The following HEXB variants were observed in gnomAD, a reference collection of about 807,000 sequenced individuals.
The protein encoded by HEXB is hexosaminidase subunit beta, also known as beta-hexosaminidase subunit beta.
A neutral mutation model predicts 71.2 loss-of-function variants in HEXB; 51 were observed. The ratio of observed to expected loss-of-function variants is 0.72; its 90% CI spans 0.57 to 0.90. The LOEUF (loss-of-function observed/expected upper bound fraction) is 0.90, where lower values mean the gene tolerates loss of function less well. Among genes scored for constraint, HEXB ranks in the 40% least tolerant of loss-of-function variants. HEXB has a pLI of 0.00. For synonymous variants in HEXB, 266 were observed against 249.3 expected, an observed-to-expected ratio of 1.07 and a Z score of -0.63; for missense variants, 617 against 677.0, an observed-to-expected ratio of 0.91 and a Z score of 0.98.
intron 6 of HEXB, among the ~76,000 whole-genome samples, chr5:74,709,765 A>G (rs1561224149): frequency 6.6e-6 from 1 of 152,238 alleles, no homozygotes; most frequent in Non-Finnish European, 1.5e-5. Context: ...TGAATAGACC[A>G]ATAACAGGAG....
At chr5:74,719,656 T>C (rs978293461) in intron 11 of HEXB, among the ~76,000 whole-genome samples, 2 of 152,150 alleles carry the variant, frequency 1.3e-5, no homozygotes, top group Non-Finnish European at 2.9e-5. Context: ...TTAAAAAGCA[T>C]TAAGTGGCTG....
intron 1 of HEXB, among the ~76,000 whole-genome samples, chr5:74,675,384 G>A (rs1748612722): frequency 6.6e-6 from 1 of 152,162 alleles, no homozygotes; most frequent in African/African-American, 2.4e-5. Context: ...GTCCAGAAGA[G>A]GCTTAGTCAG....
At chr5:74,702,773 A>C (rs1749293914) in intron 5 of HEXB, among the ~76,000 whole-genome samples, 2 of 152,228 alleles carry the variant, frequency 1.3e-5, no homozygotes, top group African/African-American at 4.8e-5. Flanking sequence ...AGTTATTACT[A>C]AGGTGGCTAC....
chr5:74,680,020 G>C (rs1748710252), intron 1 of HEXB, among the ~76,000 whole-genome samples: 1 of 152,078 alleles, frequency 6.6e-6, no homozygotes, highest in South Asian at 2.1e-4. Flanking sequence ...TCAAACAATA[G>C]AGCGTATCTT....
intron 1 of HEXB, 84 bp downstream of exon 1, chr5:74,685,643 C>A: frequency 7.9e-7 from 1 of 1,269,358 alleles, no homozygotes; most frequent in Non-Finnish European, 1.1e-6. Context: ...ACCCTCACCA[C>A]CCCACTGCGC....
At chr5:74,661,118 G>A (rs914476106) in intron 1 of HEXB, among the ~76,000 whole-genome samples, 1 of 152,160 alleles carries the variant, frequency 6.6e-6, no homozygotes, top group Non-Finnish European at 1.5e-5. Context: ...TGGGCGTCGG[G>A]GGCTGCTGAG....
chr5:74,676,986 A>G (rs1298088666), intron 1 of HEXB, among the ~76,000 whole-genome samples: 4 of 151,984 alleles, frequency 2.6e-5, no homozygotes, highest in Non-Finnish European at 5.9e-5. Context: ...TCCTGGGTTC[A>G]TGCCATTCTC....
rs183908490 is a variant in HEXB at position 74,700,771 on chromosome 5, G to A, written c.669+3665G>A. ...TGCACAGGTTGGAGTGCAATGGTGCGGTCTCAGCTCACTGCAACCTCCGCC... is the reference window on the plus strand; with the variant it reads ...TGCACAGGTTGGAGTGCAATGGTGCAGTCTCAGCTCACTGCAACCTCCGCC... On this transcript the variant is annotated intron_variant, in intron 5 of 13. Coordinates refer to ENST00000261416, the MANE Select transcript of HEXB (RefSeq NM_000521.4). Among the ~76,000 whole-genome samples, 1,352 of 152,044 alleles carry A rather than the reference G, an allele frequency of 8.9e-3. 3 individuals carry two copies. Among genetic ancestry groups the A allele is most frequent in the Non-Finnish European group, 0.016 (1,057 of 67,988 alleles).
intron 8 of HEXB, among the ~76,000 whole-genome samples, chr5:74,716,122 T>A (rs932496790): frequency 6.6e-6 from 1 of 151,600 alleles, no homozygotes; most frequent in Non-Finnish European, 1.5e-5. Flanking sequence ...CATGCCTGCT[T>A]GTAAGGGTTT....
At chr5:74,680,542 G>T (rs1006614699), upstream of HEXB, among the ~76,000 whole-genome samples, 1 of 152,180 alleles carries the variant, frequency 6.6e-6, no homozygotes, top group African/African-American at 2.4e-5. Context: ...TTTCTAAAGG[G>T]ATGAGATTTT....
intron 5 of HEXB, among the ~76,000 whole-genome samples, chr5:74,700,244 G>T (rs1372307629): frequency 4.0e-5 from 6 of 151,478 alleles, no homozygotes; most frequent in African/African-American, 1.5e-4. Flanking sequence ...CTGAGCTCAG[G>T]CAATCTGCCC....
At chr5:74,706,553 G>A (rs932762566) in intron 6 of HEXB, among the ~76,000 whole-genome samples, 4 of 152,190 alleles carry the variant, frequency 2.6e-5, no homozygotes, top group African/African-American at 7.2e-5. Context: ...CAAAGAAAGG[G>A]GTGACACACG....
intron 1 of HEXB, among the ~76,000 whole-genome samples, chr5:74,667,570 T>C (rs1396478539): frequency 6.6e-6 from 1 of 152,148 alleles, no homozygotes; most frequent in East Asian, 1.9e-4. Context: ...TCAAGTTCAG[T>C]CAGGAGACAG....
chr5:74,662,114 AG>A (rs1187472810), intron 1 of HEXB, among the ~76,000 whole-genome samples: 3 of 152,254 alleles, frequency 2.0e-5, no homozygotes, highest in African/African-American at 7.2e-5. Context: ...AGAAGCAGAA[AG>A]AAAAAAAGAA....
intron 5 of HEXB, among the ~76,000 whole-genome samples, chr5:74,703,023 GCTCACTGCAACCTCT>G (rs1749299675): frequency 6.6e-6 from 1 of 152,232 alleles, no homozygotes; most frequent in South Asian, 2.1e-4. Flanking sequence ...TGCAGTCTCA[GCTCACTGCAACCTCT>G]GCCTCCCAGG....
intron 5 of HEXB, among the ~76,000 whole-genome samples, chr5:74,701,075 G>T (rs1749249912): frequency 6.6e-6 from 1 of 150,782 alleles, no homozygotes; most frequent in Non-Finnish European, 1.5e-5. Flanking sequence ...AAGAGATGGG[G>T]TTTTGCCACA....
At chr5:74,675,884 C>T (rs1313075455) in intron 1 of HEXB, among the ~76,000 whole-genome samples, 1 of 152,152 alleles carries the variant, frequency 6.6e-6, no homozygotes. Flanking sequence ...CTTGTATAAT[C>T]TCTCAGAGGA....
At chr5:74,649,706 C>G (rs142573001) in intron 1 of HEXB, among the ~76,000 whole-genome samples, 48 of 152,292 alleles carry the variant, frequency 3.2e-4, no homozygotes, top group African/African-American at 1.1e-3. Flanking sequence ...AATCAATTGA[C>G]TAAAATGGTA....
Position 74,690,831 on chromosome 5 carries a change from T to G in HEXB, c.445+1358T>G, listed in dbSNP as rs1748987068. ...AATACATCTCTTTGAAAAAAAGCTT[T>G]CTTTCTCTTCAATTCCATAGCTGTT... On this transcript the variant is annotated intron_variant, in intron 2 of 13. Coordinates refer to ENST00000261416, the MANE Select transcript of HEXB (RefSeq NM_000521.4). 2.6e-5 allele frequency among the ~76,000 whole-genome samples: 4 copies of G among 152,152 alleles called. No homozygotes were observed. The South Asian group carries it at 8.3e-4, about 32-fold the overall frequency.
Sources: allele counts gnomAD v4.1 joint callset (sites outside exome capture counted in the v4.1 genomes callset), GRCh38; gene constraint gnomAD v4.1.1; transcripts MANE v1.5; gene names NCBI Gene and HGNC (gene_info 2026-07-23, HGNC 2026-07-21).